The following NLGN4X variants were observed in gnomAD, a reference collection of about 807,000 sequenced individuals.
NLGN4X encodes the protein neuroligin-4, X-linked.
NLGN4X carries 3 observed loss-of-function variants against 40.3 expected under a neutral mutation model. The ratio of observed to expected loss-of-function variants is 0.07; its 90% CI spans 0.03 to 0.19. The LOEUF (loss-of-function observed/expected upper bound fraction) is 0.19. Ranked by LOEUF, NLGN4X falls within the 10% of genes least tolerant of loss-of-function variation. The probability of loss-of-function intolerance (pLI) is 1.00; values close to 1 mark genes in which losing one functional copy is unlikely to be tolerated. For synonymous variants in NLGN4X, 270 were observed against 306.8 expected, an observed-to-expected ratio of 0.88 and a Z score of 1.25; for missense variants, 382 against 708.3, an observed-to-expected ratio of 0.54 and a Z score of 5.23.
chrX:5,983,886 C>A (rs2035457764), intron 3 of NLGN4X, among the ~76,000 whole-genome samples: 1 of 111,986 alleles, frequency 8.9e-6, no homozygotes, highest in South Asian at 3.7e-4. Flanking sequence ...ATCGAAGCTA[C>A]AGTGAGCTAT....
At chrX:5,914,106 T>A (rs1280086625) in intron 3 of NLGN4X, among the ~76,000 whole-genome samples, 1 of 111,971 alleles carries the variant, frequency 8.9e-6, no homozygotes, top group Non-Finnish European at 1.9e-5. Context: ...CTAGTACATT[T>A]AGTTAGTATG....
At chrX:5,979,094 C>T (rs750491823) in intron 3 of NLGN4X, among the ~76,000 whole-genome samples, 46 of 111,575 alleles carry the variant, frequency 4.1e-4, no homozygotes, top group Middle Eastern at 4.6e-3. Context: ...CTTGCTCCTC[C>T]TCCTCATCTC....
chrX:6,057,311 T>C (rs1474055384), intron 2 of NLGN4X, among the ~76,000 whole-genome samples: 1 of 111,792 alleles, frequency 8.9e-6, no homozygotes, highest in African/African-American at 3.3e-5. Flanking sequence ...GTGATTTGTC[T>C]AGAGGAAGCT....
chrX:6,074,653 A>G (rs890088959), intron 2 of NLGN4X, among the ~76,000 whole-genome samples: 5 of 111,783 alleles, frequency 4.5e-5, no homozygotes, highest in African/African-American at 1.3e-4. Context: ...AGAAACAACT[A>G]TCAAAATTAT....
At chrX:6,154,342 G>C (rs1427397956) in intron 1 of NLGN4X, among the ~76,000 whole-genome samples, 1 of 112,162 alleles carries the variant, frequency 8.9e-6, no homozygotes, top group African/African-American at 3.2e-5. Flanking sequence ...GTGTATGTGT[G>C]TGTGTGTGAA....
chrX:6,144,116 G>A (rs2040001949), intron 2 of NLGN4X, among the ~76,000 whole-genome samples: 1 of 110,784 alleles, frequency 9.0e-6, no homozygotes, highest in Non-Finnish European at 1.9e-5. Flanking sequence ...TCAGAGACAG[G>A]GTACCTATCT....
intron 2 of NLGN4X, among the ~76,000 whole-genome samples, chrX:6,066,253 G>A (rs755153214): frequency 8.7e-4 from 97 of 111,897 alleles, no homozygotes; most frequent in African/African-American, 2.2e-3. Context: ...TGTTTTATCC[G>A]TGATTTCTCA....
chrX:6,145,020 A>G (rs2040018399), intron 2 of NLGN4X, among the ~76,000 whole-genome samples: 1 of 111,029 alleles, frequency 9.0e-6, no homozygotes, highest in Non-Finnish European at 1.9e-5. Context: ...ATCTCTCACA[A>G]TCTCAGCCTC....
At chrX:5,920,395 C>T (rs1396769959) in intron 3 of NLGN4X, among the ~76,000 whole-genome samples, 1 of 111,892 alleles carries the variant, frequency 8.9e-6, no homozygotes, top group Non-Finnish European at 1.9e-5. Flanking sequence ...TTTATGGTTT[C>T]GTAAAGCTCA....
rs1461164548 is a variant in NLGN4X, at chrX:5,892,824, C to G, written c.2444G>C (p.Arg815Thr). The part of the protein sequence containing the change: ...TNLPHGHSTT[R>T]V The stretch of plus-strand genomic sequence containing the variant: ...AAGGGAAATAGGGCAAAGCTATACT[C>G]TAGTGGTGGAATGTCCGTGGGGTAA... The change falls in exon 6 of 6, where the codon AGA becomes ACA. Residue 815 changes from arginine (R) to threonine (T), a missense_variant. Arg to Thr is a moderately conservative substitution (Grantham distance 71, BLOSUM62 -1). Around this residue, in one of 5 missense-constraint regions of NLGN4X, gnomAD observed 57 missense variants for 65.6 expected, o/e 0.87. Coordinates refer to ENST00000381095, the MANE Select transcript of NLGN4X (RefSeq NM_181332.3). 3.3e-6 allele frequency: 4 copies of G among 1,209,227 alleles called. No homozygotes were observed. The highest frequency in any genetic ancestry group is 4.5e-6 in the Non-Finnish European group (4 of 895,097).
At chrX:6,051,835 A>G (rs180786221) in intron 2 of NLGN4X, among the ~76,000 whole-genome samples, 2 of 111,264 alleles carry the variant, frequency 1.8e-5, no homozygotes, top group Non-Finnish European at 3.8e-5. Flanking sequence ...GTTGAATTTG[A>G]GCCGGACCTA....
At chrX:6,134,120 C>T (rs1043806804) in intron 2 of NLGN4X, among the ~76,000 whole-genome samples, 1 of 111,324 alleles carries the variant, frequency 9.0e-6, no homozygotes, top group African/African-American at 3.3e-5. Flanking sequence ...TTGAGCTTCT[C>T]AGCTTTCATA....
chrX:5,947,634 T>C, intron 3 of NLGN4X, among the ~76,000 whole-genome samples: 1 of 111,961 alleles, frequency 8.9e-6, no homozygotes, highest in East Asian at 2.8e-4. Context: ...ATTTAGAGCC[T>C]GGGGATAAGT....
chrX:6,014,041 G>C (rs2036324006), intron 3 of NLGN4X, among the ~76,000 whole-genome samples: 1 of 109,456 alleles, frequency 9.1e-6, no homozygotes, highest in African/African-American at 3.3e-5. Context: ...AATTAGCCAG[G>C]CATGGTGGTG....
intron 3 of NLGN4X, among the ~76,000 whole-genome samples, chrX:5,968,437 C>CT (rs1275656445): frequency 0.026 from 442 of 16,857 alleles, 22 homozygotes; most frequent in African/African-American, 0.092. Flanking sequence ...TTGTAAGTAC[C>CT]CCTCTCTCTC....
chrX:6,027,811 G>GTAT (rs1183498834), intron 3 of NLGN4X, among the ~76,000 whole-genome samples: 20 of 94,036 alleles, frequency 2.1e-4, no homozygotes, highest in Admixed American at 6.1e-4. Flanking sequence ...TTTATTACTA[G>GTAT]TATTATTATT....
intron 2 of NLGN4X, among the ~76,000 whole-genome samples, chrX:6,096,806 G>A (rs1251697788): frequency 1.8e-5 from 2 of 111,628 alleles, no homozygotes; most frequent in Admixed American, 1.9e-4. Context: ...TGCGCCAGAG[G>A]CCTTGAGCCA....
chrX:5,974,260 C>A (rs778646541), intron 3 of NLGN4X, among the ~76,000 whole-genome samples: 12 of 112,068 alleles, frequency 1.1e-4, no homozygotes, highest in Non-Finnish European at 1.9e-4. Flanking sequence ...CAAAAACAAA[C>A]GCTTCACTGA....
intron 1 of NLGN4X, among the ~76,000 whole-genome samples, chrX:6,219,649 T>C (rs747936422): frequency 3.8e-4 from 41 of 108,660 alleles, no homozygotes; most frequent in African/African-American, 1.4e-3. Flanking sequence ...CCTTCCGTCC[T>C]TTCTTCCTTC....
Sources: gnomAD v4.1 joint callset for allele counts (sites outside exome capture counted in the v4.1 genomes callset) on GRCh38, gnomAD v4.1.1 for gene constraint, gnomAD v4.1.1 regional missense constraint, MANE v1.5 for transcripts, NCBI Gene and HGNC (gene_info 2026-07-23, HGNC 2026-07-21) for gene names.